ARPP21: variants seen among roughly 807,000 people sequenced by gnomAD.
The protein encoded by ARPP21 is cAMP regulated phosphoprotein 21, also known as cAMP-regulated phosphoprotein 21.
In ARPP21, 69 loss-of-function variants were observed where a neutral mutation model predicts 113.2. That is an observed-to-expected ratio of 0.61 (90% CI 0.50 to 0.74). The LOEUF (loss-of-function observed/expected upper bound fraction) is 0.74. Ranked by LOEUF, ARPP21 falls within the 30% of genes least tolerant of loss-of-function variation. The pLI is 0.00. For synonymous variants in ARPP21, 368 were observed against 375.5 expected (o/e 0.98, Z 0.23); for missense variants, 1,070 against 1,037.4 (o/e 1.03, Z -0.43).
intron 14 of ARPP21, among the ~76,000 whole-genome samples, chr3:35,725,274 C>A (rs1381719388): frequency 6.6e-6 from 1 of 152,060 alleles, no homozygotes; most frequent in Non-Finnish European, 1.5e-5. Flanking sequence ...CTCCCAGGTA[C>A]CTAAGAAAGA....
At chr3:35,752,527 G>A (rs139161965) in intron 19 of ARPP21, among the ~76,000 whole-genome samples, 1 of 152,178 alleles carries the variant, frequency 6.6e-6, no homozygotes, top group East Asian at 1.9e-4. Context: ...AGCCTCTGAA[G>A]ATTCGTAAAA....
Position 35,690,138 on chromosome 3 carries a change from C to T in ARPP21, c.543C>T (p.Asn181=). The change falls in exon 8 of 21, where the codon AAC becomes AAT. Residue 181 remains asparagine, a splice_region_variant and synonymous_variant. Transcript: ENST00000684406. ...EQEIIDFIAD[N]NNHYKKFPQM... is the part of the protein sequence containing the mutation. ...AAATTATTGATTTCATTGCTGACAA[C>T]AAGTATGTTAAACTTCAATGCTGGT... 7.0e-7 allele frequency: 1 copy of T among 1,423,842 alleles called. No homozygotes were observed. Among genetic ancestry groups the T allele is most frequent in the Non-Finnish European group, 9.9e-7 (1 of 1,008,228 alleles). The allele number at this position is 1,423,842 out of a possible 1,614,324, so 88.2% of individuals were successfully genotyped here.
chr3:35,738,436 G>C (rs907203448), intron 17 of ARPP21, 118 bp downstream of exon 17: 4 of 722,678 alleles, frequency 5.5e-6, no homozygotes, highest in East Asian at 2.7e-5. Flanking sequence ...ACTGTGAGGG[G>C]GTATGTGCGA....
intron 19 of ARPP21, among the ~76,000 whole-genome samples, chr3:35,746,831 C>T (rs112644033): frequency 1.1e-4 from 17 of 152,292 alleles, no homozygotes; most frequent in Non-Finnish European, 2.4e-4. Context: ...CTGTCAGTTA[C>T]TACATCTTTC....
chr3:35,768,704 A>G (rs1183964557), intron 19 of ARPP21, among the ~76,000 whole-genome samples: 1 of 152,014 alleles, frequency 6.6e-6, no homozygotes, highest in Non-Finnish European at 1.5e-5. Flanking sequence ...AGCATGACTC[A>G]CTCTGATTTG....
chr3:35,721,011 G>A (rs998928908), intron 13 of ARPP21, among the ~76,000 whole-genome samples: 3 of 152,278 alleles, frequency 2.0e-5, no homozygotes, highest in African/African-American at 7.2e-5. Context: ...AAACTCAGTG[G>A]GCAAAATTCT....
intron 19 of ARPP21, among the ~76,000 whole-genome samples, chr3:35,757,249 G>A (rs2095606306): frequency 6.6e-6 from 1 of 151,690 alleles, no homozygotes; most frequent in Non-Finnish European, 1.5e-5. Flanking sequence ...AAATTGTAAA[G>A]ATACGGTCTT....
intron 19 of ARPP21, among the ~76,000 whole-genome samples, chr3:35,763,828 T>C (rs2095862384): frequency 2.0e-5 from 3 of 152,112 alleles, no homozygotes; most frequent in South Asian, 2.1e-4. Context: ...AGAAAAATCT[T>C]CATCAACAGT....
At chr3:35,700,394 G>C (rs1390534180) in intron 9 of ARPP21, among the ~76,000 whole-genome samples, 2 of 151,498 alleles carry the variant, frequency 1.3e-5, no homozygotes, top group Non-Finnish European at 3.0e-5. Flanking sequence ...AAGAAATTAG[G>C]TTATGTATTA....
Position 35,738,302 on chromosome 3 carries a change from C to A in ARPP21, c.1733C>A (p.Thr578Lys). Residue 578 changes from threonine to lysine, a missense_variant, in exon 17 of 21, where the codon ACG becomes AAG. Thr to Lys is a moderately conservative substitution (Grantham distance 78). Coordinates refer to ENST00000684406, the MANE Select transcript of ARPP21 (RefSeq NM_001385562.1). ...PPQHLLPVSPTQHFPMRDDVA... is the reference protein window; with the variant it reads ...PPQHLLPVSPKQHFPMRDDVA... ...CAGCACCTCCTACCTGTGTCTCCAA[C>A]GCAGCACTTTCCCATGGTACTGTAT... The A allele has an allele frequency of 6.5e-7, 1 of 1,532,742 alleles. No individual in the cohort carries two copies. The highest frequency in any genetic ancestry group is 2.0e-5 in the Admixed American group (1 of 50,988). The allele number at this position is 1,532,742 out of a possible 1,614,324, so 94.9% of individuals were successfully genotyped here.
intron 14 of ARPP21, among the ~76,000 whole-genome samples, chr3:35,728,126 T>C (rs1259526649): frequency 2.0e-5 from 3 of 147,506 alleles, no homozygotes; most frequent in Admixed American, 6.8e-5. Flanking sequence ...TTCAATGCAG[T>C]ACCATAAACA....
At chr3:35,682,781 T>A in intron 3 of ARPP21, 67 bp from the exon 4 acceptor site, 1 of 1,384,514 alleles carries the variant, frequency 7.2e-7, no homozygotes, top group East Asian at 2.3e-5. Flanking sequence ...TCTCTCTCGG[T>A]TGTTGATTTA....
chr3:35,708,910 A>G, intron 10 of ARPP21, 59 bp from the exon 11 acceptor site: 1 of 1,165,232 alleles, frequency 8.6e-7, no homozygotes, highest in East Asian at 2.4e-5. Flanking sequence ...CAGTTGCTTA[A>G]CCACAGATTT....
chr3:35,732,383 C>T (rs2150550516), intron 15 of ARPP21, among the ~76,000 whole-genome samples: 1 of 152,338 alleles, frequency 6.6e-6, no homozygotes, highest in African/African-American at 2.4e-5. Context: ...CAGCTTTCAA[C>T]AGGTCCATTT....
Position 35,748,140 on chromosome 3 carries a change from G to T in ARPP21, c.2137+4175G>T, listed in dbSNP as rs1050895375. Among the ~76,000 whole-genome samples, 17 of 120,224 alleles carry T rather than the reference G, an allele frequency of 1.4e-4. 1 individual carries two copies. Among genetic ancestry groups the T allele is most frequent in the South Asian group, 5.5e-4 (2 of 3,664 alleles). 78.9% of individuals were successfully genotyped at this position (120,224 alleles called of 152,430 possible). A position where few individuals can be genotyped will look rare whatever the true frequency, so the allele number is the denominator to read the frequency against. ...AAGAAAGAAAGAAAAGAAAGAAAGG[G>T]AGAAAGGAGAGAGAGAAAGAACAGA... On this transcript the variant is annotated intron_variant, in intron 19 of 20. Coordinates refer to ENST00000684406, the MANE Select transcript of ARPP21 (RefSeq NM_001385562.1).
chr3:35,696,114 G>A (rs942135302), intron 9 of ARPP21, among the ~76,000 whole-genome samples: 1 of 151,520 alleles, frequency 6.6e-6, no homozygotes, highest in African/African-American at 2.4e-5. Context: ...AGAACATGAG[G>A]CTTGATGTGT....
At chr3:35,714,265 A>C (rs1337195164) in intron 11 of ARPP21, among the ~76,000 whole-genome samples, 1 of 129,008 alleles carries the variant, frequency 7.8e-6, no homozygotes, top group Admixed American at 8.8e-5. Context: ...AAATGCTCAT[A>C]AAACTGAGAG....
At chr3:35,682,805 T>A in intron 3 of ARPP21, 43 bp from the exon 4 acceptor site, 1 of 1,569,274 alleles carries the variant, frequency 6.4e-7, no homozygotes, top group South Asian at 1.2e-5. Flanking sequence ...TTCGTTTTTG[T>A]TTGTTTTATT....
At position 35,667,885 on chromosome 3, in the gene ARPP21, A is replaced by AGAAGAAGAAGAAGAAGAAGAGGAAGAG. The variant is rs777434867; in HGVS notation, c.-212-11897_-212-11896insAGAAGAAGAAGAAGAGGAAGAGGAAGA. Among the ~76,000 whole-genome samples, 8 of 97,696 alleles carry AGAAGAAGAAGAAGAAGAAGAGGAAGAG rather than the reference A, an allele frequency of 8.2e-5. 1 individual carries two copies. In the Admixed American group the frequency reaches 8.7e-4, roughly 11 times the overall value. 64.1% of individuals were successfully genotyped at this position (97,696 alleles called of 152,430 possible). A position where few individuals can be genotyped will look rare whatever the true frequency, so the allele number is the denominator to read the frequency against. ...AAGAAGAAGAAGAAGAAGAAGAAGAAGAAGAGGAAGAGGAAGAGGAAGAGG... is the reference window on the plus strand; with the variant it reads ...AAGAAGAAGAAGAAGAAGAAGAAGAAGAAGAAGAAGAAGAAGAAGAGGAAGAGGAAGAGGAAGAGGAAGAGGAAGAGG... On this transcript the variant is annotated intron_variant, in intron 1 of 20. Coordinates refer to ENST00000684406, the MANE Select transcript of ARPP21 (RefSeq NM_001385562.1).
Sources: gnomAD v4.1 joint callset for allele counts (sites outside exome capture counted in the v4.1 genomes callset) on GRCh38, gnomAD v4.1.1 for gene constraint, MANE v1.5 for transcripts, NCBI Gene and HGNC (gene_info 2026-07-23, HGNC 2026-07-21) for gene names.